The following SGO1 variants were observed in gnomAD, a reference collection of about 807,000 sequenced individuals.
The protein encoded by SGO1 is serologically defined breast cancer antigen NY-BR-85.
A neutral mutation model predicts 50.5 loss-of-function variants in SGO1; 39 were observed. That is an observed-to-expected ratio of 0.77 (90% CI 0.60 to 1.01). The LOEUF (loss-of-function observed/expected upper bound fraction) is 1.01. Ranked by LOEUF, SGO1 falls within the 50% of genes least tolerant of loss-of-function variation. The pLI is 0.00. For missense variants in SGO1, 638 were observed against 606.0 expected (o/e 1.05, Z -0.55); for synonymous variants, 191 against 205.1 (o/e 0.93, Z 0.59).
At position 20,186,084 on chromosome 3, in the gene SGO1, A is replaced by G. The variant is rs988373356; in HGVS notation, c.-144T>C. ...CTTGGCCACTACTTCTGCAACAGCT[A>G]TCTTCCTCCTCCTCACATTTCAAGG... On this transcript the variant is annotated 5_prime_UTR_variant, in exon 1 of 8. Coordinates refer to ENST00000412997, the MANE Select transcript of SGO1 (RefSeq NM_001199251.3). The G allele has an allele frequency of 1.3e-5, 2 of 152,636 alleles. No homozygotes were observed. Among genetic ancestry groups the G allele is most frequent in the Non-Finnish European group, 2.9e-5 (2 of 68,426 alleles). 9.5% of individuals were successfully genotyped at this position (152,636 alleles called of 1,614,324 possible). A position where few individuals can be genotyped will look rare whatever the true frequency, so the allele number is the denominator to read the frequency against.
chr3:20,181,560 TAATA>T (rs1702021451), intron 3 of SGO1, among the ~76,000 whole-genome samples: 1 of 152,254 alleles, frequency 6.6e-6, no homozygotes, highest in Admixed American at 6.5e-5. Context: ...ACAATGTTTT[TAATA>T]AATACTCAAA....
chr3:20,179,191 T>C (rs1701734536), intron 3 of SGO1, among the ~76,000 whole-genome samples: 1 of 152,096 alleles, frequency 6.6e-6, no homozygotes, highest in Non-Finnish European at 1.5e-5. Context: ...GTAAGACTTA[T>C]AAAGGAAGGT....
At chr3:20,165,903 A>T (rs1700274951), downstream of SGO1, among the ~76,000 whole-genome samples, 1 of 151,976 alleles carries the variant, frequency 6.6e-6, no homozygotes, top group East Asian at 1.9e-4. Flanking sequence ...AATACAAAAA[A>T]TAGCTGGGCA....
At chr3:20,175,477 A>C (rs1370879362) in intron 5 of SGO1, among the ~76,000 whole-genome samples, 1 of 152,218 alleles carries the variant, frequency 6.6e-6, no homozygotes, top group East Asian at 1.9e-4. Context: ...ATTTTGGATA[A>C]GGGACATTCA....
At chr3:20,169,466 T>C (rs979005696), downstream of SGO1, 7 of 981,956 alleles carry the variant, frequency 7.1e-6, no homozygotes, top group South Asian at 1.4e-4. Flanking sequence ...ATTTAAAGAA[T>C]AGAAGGAAAG....
chr3:20,170,171 G>A lies in SGO1; in HGVS notation c.*533C>T. The stretch of plus-strand genomic sequence containing the variant: ...CCCAGCACTTTGGGAGGCCGAGGTG[G>A]GCAGATCACCTGAGGTTGGGAGTTT... On this transcript the variant is annotated 3_prime_UTR_variant, in exon 8 of 8. Coordinates refer to ENST00000412997, the MANE Select transcript of SGO1 (RefSeq NM_001199251.3). The A allele has an allele frequency of 1.1e-6, 1 of 898,340 alleles. No homozygotes were observed. Among genetic ancestry groups the A allele is most frequent in the African/African-American group, 1.8e-5 (1 of 55,506 alleles). 55.6% of individuals were successfully genotyped at this position (898,340 alleles called of 1,614,324 possible). A position where few individuals can be genotyped will look rare whatever the true frequency, so the allele number is the denominator to read the frequency against.
chr3:20,165,478 T>G (rs1700247700), downstream of SGO1, among the ~76,000 whole-genome samples: 1 of 152,126 alleles, frequency 6.6e-6, no homozygotes, highest in Non-Finnish European at 1.5e-5. Flanking sequence ...ACATGTACAC[T>G]TAACAATTCC....
chr3:20,164,358 G>A (rs1222546211), intron 8 of SGO1, among the ~76,000 whole-genome samples: 2 of 151,834 alleles, frequency 1.3e-5, no homozygotes, highest in Non-Finnish European at 2.9e-5. Flanking sequence ...AACTGACAAA[G>A]TTCAACAGTC....
At chr3:20,183,472 A>G (rs1702253081) in intron 3 of SGO1, 136 bp downstream of exon 3, 1 of 709,924 alleles carries the variant, frequency 1.4e-6, no homozygotes, top group Admixed American at 3.4e-5. Context: ...GCTATGCTGG[A>G]GCACTAAAGA....
chr3:20,161,291 T>A, intron 8 of SGO1: 1 of 1,407,334 alleles, frequency 7.1e-7, no homozygotes, highest in Admixed American at 3.2e-5. Context: ...ACAGATTTTA[T>A]TCAGAAGGAA....
At position 20,171,250 on chromosome 3, in the gene SGO1, C is replaced by A. The variant is rs1700711757; in HGVS notation, c.1283-18G>T. Reference sequence around the variant, plus strand: ...TGGTGTAGCTACAAAACAATTTTTACTGAATATGATTTAAAAAAAAAAACC... The same window carrying A: ...TGGTGTAGCTACAAAACAATTTTTAATGAATATGATTTAAAAAAAAAAACC... On this transcript the variant is annotated intron_variant, in intron 6 of 7. Transcript: ENST00000412997. 3.3e-6 allele frequency: 5 copies of A among 1,526,268 alleles called. No homozygotes were observed. Among genetic ancestry groups the A allele is most frequent in the South Asian group, 1.3e-5 (1 of 77,580 alleles). The allele number at this position is 1,526,268 out of a possible 1,614,324, so 94.5% of individuals were successfully genotyped here. A position where few individuals can be genotyped will look rare whatever the true frequency, so the allele number is the denominator to read the frequency against.
At chr3:20,176,153 A>G (rs1411219297) in intron 5 of SGO1, among the ~76,000 whole-genome samples, 2 of 152,218 alleles carry the variant, frequency 1.3e-5, no homozygotes, top group Non-Finnish European at 2.9e-5. Context: ...GGACATATCA[A>G]TTTAAAAGTA....
At chr3:20,184,556 T>C (rs868074739) in intron 1 of SGO1, among the ~76,000 whole-genome samples, 2 of 152,212 alleles carry the variant, frequency 1.3e-5, no homozygotes, top group Non-Finnish European at 2.9e-5. Context: ...TTATCACTTA[T>C]GATATGCACA....
At chr3:20,162,266 A>G (rs1187201842) in intron 8 of SGO1, among the ~76,000 whole-genome samples, 1 of 152,236 alleles carries the variant, frequency 6.6e-6, no homozygotes, top group Admixed American at 6.5e-5. Flanking sequence ...TGAGCCAAAC[A>G]ACACTCAAAA....
intron 3 of SGO1, 123 bp downstream of exon 3, chr3:20,183,485 G>A (rs927678696): frequency 2.5e-6 from 2 of 806,618 alleles, no homozygotes; most frequent in African/African-American, 3.6e-5. Flanking sequence ...ACTAAAGAAG[G>A]ATGTTTTAAA....
At position 20,169,542 on chromosome 3, in the gene SGO1, T is replaced by G; in HGVS notation, c.*1162A>C. On this transcript the variant is annotated 3_prime_UTR_variant, in exon 8 of 8. Transcript: ENST00000412997. ...GAATAACCTACAAAGTTCTAAAATT[T>G]AAAGAGGTATATACAAGTATAGACA... The G allele has an allele frequency of 1.0e-6, 1 of 983,976 alleles. No homozygotes were observed. Among genetic ancestry groups the G allele is most frequent in the Non-Finnish European group, 1.2e-6 (1 of 828,594 alleles). The allele number at this position is 983,976 out of a possible 1,614,324, so 61.0% of individuals were successfully genotyped here.
At chr3:20,180,963 C>T (rs1223670218) in intron 3 of SGO1, among the ~76,000 whole-genome samples, 3 of 152,056 alleles carry the variant, frequency 2.0e-5, no homozygotes, top group African/African-American at 7.2e-5. Context: ...CCTGTCTCTA[C>T]CCCCAACAAA....
downstream of SGO1, among the ~76,000 whole-genome samples, chr3:20,168,265 C>T (rs1230080491): frequency 6.6e-6 from 1 of 152,062 alleles, no homozygotes; most frequent in Non-Finnish European, 1.5e-5. Context: ...AAGTAAAGTA[C>T]TCAATGGTCT....
chr3:20,170,659 C>T lies in SGO1; in HGVS notation c.*45G>A. On this transcript the variant is annotated 3_prime_UTR_variant, in exon 8 of 8. Coordinates refer to ENST00000412997, the MANE Select transcript of SGO1 (RefSeq NM_001199251.3). ...TCTTACAGATCCTCTCCTGAAGCAA[C>T]AGAAAGAGGTGTAGATTGAATTTAA... 18 of 1,508,758 alleles carry T rather than the reference C, an allele frequency of 1.2e-5. No individual in the cohort carries two copies. Among genetic ancestry groups the T allele is most frequent in the Non-Finnish European group, 1.6e-5 (18 of 1,135,148 alleles). 93.5% of individuals were successfully genotyped at this position (1,508,758 alleles called of 1,614,324 possible). A position where few individuals can be genotyped will look rare whatever the true frequency, so the allele number is the denominator to read the frequency against.
Sources: allele counts gnomAD v4.1 joint callset (sites outside exome capture counted in the v4.1 genomes callset), GRCh38; gene constraint gnomAD v4.1.1; transcripts MANE v1.5; gene names NCBI Gene and HGNC (gene_info 2026-07-23, HGNC 2026-07-21).